The following TUT4 variants were observed in gnomAD, a reference collection of about 807,000 sequenced individuals.
TUT4 encodes terminal uridylyltransferase 4.
Under a neutral mutation model 192.2 loss-of-function variants are expected in TUT4, and 36 were observed. The observed-to-expected ratio is 0.19, with a 90% CI of 0.14 to 0.25. TUT4 has a LOEUF of 0.25. Among genes scored for constraint, TUT4 ranks in the 10% least tolerant of loss-of-function variants. The pLI is 1.00. For synonymous variants in TUT4, 618 were observed against 666.0 expected, an observed-to-expected ratio of 0.93 and a Z score of 1.11; for missense variants, 1,493 against 1,957.2, an observed-to-expected ratio of 0.76 and a Z score of 4.47.
intron 3 of TUT4, 194 bp downstream of exon 3, chr1:52,515,697 A>C: frequency 1.5e-6 from 1 of 670,292 alleles, no homozygotes; most frequent in Non-Finnish European, 2.6e-6. Flanking sequence ...ACTCACAGAT[A>C]ATAAGTAACT....
chr1:52,478,655 A>C (rs1667706930), intron 11 of TUT4, among the ~76,000 whole-genome samples: 1 of 152,204 alleles, frequency 6.6e-6, no homozygotes, highest in African/African-American at 2.4e-5. Context: ...GAGACAATTT[A>C]ACAATTATAG....
At chr1:52,474,458 G>A (rs1239614959) in intron 13 of TUT4, among the ~76,000 whole-genome samples, 1 of 152,014 alleles carries the variant, frequency 6.6e-6, no homozygotes, top group African/African-American at 2.4e-5. Context: ...TTTATTTTGG[G>A]GGGGGAAGAA....
chr1:52,540,787 T>C (rs994940197), intron 1 of TUT4, among the ~76,000 whole-genome samples: 10 of 152,164 alleles, frequency 6.6e-5, no homozygotes, highest in Non-Finnish European at 1.3e-4. Context: ...TTCTCAAACT[T>C]TTTGGTCTCA....
chr1:52,484,316 G>A (rs1274243137), intron 9 of TUT4, among the ~76,000 whole-genome samples: 1 of 152,170 alleles, frequency 6.6e-6, no homozygotes, highest in Admixed American at 6.5e-5. Context: ...CATTTATACT[G>A]TATTAGATGT....
chr1:52,455,940 C>T (rs1017968969), intron 20 of TUT4, among the ~76,000 whole-genome samples: 1 of 152,172 alleles, frequency 6.6e-6, no homozygotes, highest in African/African-American at 2.4e-5. Context: ...GTGACTCCTT[C>T]GTATTCACCC....
At chr1:52,450,842 C>A (rs1313913119) in intron 20 of TUT4, among the ~76,000 whole-genome samples, 1 of 152,098 alleles carries the variant, frequency 6.6e-6, no homozygotes, top group Non-Finnish European at 1.5e-5. Flanking sequence ...AGAATACAGA[C>A]AAACCACCAA....
chr1:52,526,037 CT>C lies in TUT4; in HGVS notation c.243del (p.Gly82ValfsTer7). ...KSCKVNAANL[P>X]GPKDLGLVLR... Reference sequence around the variant, plus strand: ...AGGACTAACCCCAAATCTTTAGGACCTGGAAGGTTGGCAGCATTTACTTTAC... The same window carrying C: ...AGGACTAACCCCAAATCTTTAGGACCGGAAGGTTGGCAGCATTTACTTTAC... On this transcript the variant is annotated frameshift_variant, in exon 2 of 30. Transcript: ENST00000257177. LOFTEE classifies it high-confidence loss of function. The C allele has an allele frequency of 6.2e-7, 1 of 1,612,710 alleles. No homozygotes were observed. The highest frequency in any genetic ancestry group is 8.5e-7 in the Non-Finnish European group (1 of 1,179,568).
intron 24 of TUT4, among the ~76,000 whole-genome samples, chr1:52,442,710 A>T (rs1027450538): frequency 6.6e-6 from 1 of 152,222 alleles, no homozygotes; most frequent in Non-Finnish European, 1.5e-5. Flanking sequence ...CATAATGAAG[A>T]TAACCTAAAT....
At chr1:52,551,427 T>TTAAATA (rs1257054806) in intron 1 of TUT4, among the ~76,000 whole-genome samples, 2 of 152,170 alleles carry the variant, frequency 1.3e-5, no homozygotes, top group Non-Finnish European at 2.9e-5. Flanking sequence ...TTTGTTTATA[T>TTAAATA]TAAATATAAA....
At chr1:52,527,607 G>C (rs1465972618) in intron 1 of TUT4, among the ~76,000 whole-genome samples, 3 of 151,866 alleles carry the variant, frequency 2.0e-5, no homozygotes, top group Non-Finnish European at 4.4e-5. Flanking sequence ...AAAAGTAATA[G>C]TAATAATCTC....
intron 2 of TUT4, among the ~76,000 whole-genome samples, chr1:52,522,069 T>A: frequency 7.9e-6 from 1 of 126,904 alleles, no homozygotes; most frequent in East Asian, 2.0e-4. Context: ...AATTTGGATG[T>A]TTTCATATGG....
At chr1:52,550,196 T>C (rs1212533008) in intron 1 of TUT4, among the ~76,000 whole-genome samples, 2 of 152,188 alleles carry the variant, frequency 1.3e-5, no homozygotes, top group African/African-American at 4.8e-5. Flanking sequence ...TTTAGGATTC[T>C]AGAATTAAAA....
intron 2 of TUT4, among the ~76,000 whole-genome samples, chr1:52,517,965 G>A (rs1301846087): frequency 6.6e-6 from 1 of 152,080 alleles, no homozygotes; most frequent in Non-Finnish European, 1.5e-5. Context: ...AGAGAAAGCT[G>A]CCTTTCTTCA....
intron 19 of TUT4, 188 bp downstream of exon 19, chr1:52,460,946 A>G (rs1662380975): frequency 7.7e-6 from 3 of 387,146 alleles, no homozygotes; most frequent in Non-Finnish European, 1.4e-5. Flanking sequence ...AATAGAATAC[A>G]TACAGGAAAA....
At position 52,431,018 on chromosome 1, in the gene TUT4, T is replaced by C. The variant is rs1013352314; in HGVS notation, c.4706A>G (p.Asn1569Ser). ...AGAAGAAAAGGAAAGGTTACCTGAA[T>C]TCCCCACTGCACCACTGTTTACCAG... Reference protein sequence around the residue: ...NSLVNSGAVGNSEPGFRGLTP... With the variant: ...NSLVNSGAVGSSEPGFRGLTP... Residue 1569 changes from asparagine to serine, a missense_variant, in exon 28 of 30, where the codon AAT becomes AGT. By Grantham distance (46) the Asn-to-Ser change is conservative. This residue lies in a region of TUT4 where 351 missense variants were observed against 397.8 expected (regional missense o/e 0.88). Transcript: ENST00000257177. The C allele has an allele frequency of 6.4e-7, 1 of 1,566,242 alleles. No individual in the cohort carries two copies. Among genetic ancestry groups the C allele is most frequent in the Admixed American group, 1.9e-5 (1 of 53,086 alleles).
intron 20 of TUT4, among the ~76,000 whole-genome samples, chr1:52,451,610 G>A (rs1659443559): frequency 6.6e-6 from 1 of 152,320 alleles, no homozygotes; most frequent in Admixed American, 6.5e-5. Flanking sequence ...GGGAGGCCAA[G>A]GCGGGCGGAT....
At chr1:52,492,779 A>T (rs993097372) in intron 7 of TUT4, among the ~76,000 whole-genome samples, 2 of 152,260 alleles carry the variant, frequency 1.3e-5, no homozygotes, top group African/African-American at 4.8e-5. Context: ...TTTCTTACCT[A>T]TATGAATGAT....
chr1:52,541,478 G>A (rs1470542545), intron 1 of TUT4, among the ~76,000 whole-genome samples: 1 of 151,704 alleles, frequency 6.6e-6, no homozygotes, highest in Non-Finnish European at 1.5e-5. Flanking sequence ...GTTGCAGTGA[G>A]CCAAGATCGC....
rs147732053 is a variant in TUT4 at position 52,483,586 on chromosome 1, G to T, written c.1516-1663C>A. On this transcript the variant is annotated intron_variant, in intron 9 of 29. Coordinates refer to ENST00000257177, the MANE Select transcript of TUT4 (RefSeq NM_001009881.3). ...AGCACTTTGGGAGGCAGAGTGGGTG[G>T]ATGACTTAAGGTCAGGAGTTCGAGA... 1.2e-3 allele frequency among the ~76,000 whole-genome samples: 185 copies of T among 152,168 alleles called. 2 individuals carry two copies. Among genetic ancestry groups the T allele is most frequent in the African/African-American group, 4.1e-3 (171 of 41,530 alleles).
Sources: gnomAD v4.1 joint callset for allele counts (sites outside exome capture counted in the v4.1 genomes callset) on GRCh38, gnomAD v4.1.1 for gene constraint, gnomAD v4.1.1 regional missense constraint, MANE v1.5 for transcripts, NCBI Gene and HGNC (gene_info 2026-07-23, HGNC 2026-07-21) for gene names.